RESP18: variants seen among roughly 807,000 people sequenced by gnomAD.
The protein encoded by RESP18 is regulated endocrine-specific protein 18.
In RESP18, 30 loss-of-function variants were observed where a neutral mutation model predicts 30.0. The ratio of observed to expected loss-of-function variants is 1.00; its 90% CI spans 0.75 to 1.36. The LOEUF is 1.36. RESP18 is among the 40% of genes most tolerant of loss of function. The pLI, the probability that RESP18 is intolerant of heterozygous loss-of-function variation, is 0.00. For synonymous variants in RESP18, 117 were observed against 111.2 expected (o/e 1.05, Z -0.33); for missense variants, 320 against 284.2 (o/e 1.13, Z -0.91).
intron 6 of RESP18, among the ~76,000 whole-genome samples, chr2:219,328,246 T>C (rs890140013): frequency 6.6e-6 from 1 of 152,214 alleles, no homozygotes; most frequent in African/African-American, 2.4e-5. Context: ...TTTGCTATGA[T>C]CTGTGAGCCC....
chr2:219,332,797 C>A (rs1952846748), intron 1 of RESP18, 53 bp from the exon 1 acceptor site: 2 of 1,351,856 alleles, frequency 1.5e-6, no homozygotes, highest in Middle Eastern at 1.9e-4. Context: ...CCTGCGGTCG[C>A]CTCCCCAGCT....
At chr2:219,330,021 A>C (rs1350425104) in intron 3 of RESP18, among the ~76,000 whole-genome samples, 1 of 152,214 alleles carries the variant, frequency 6.6e-6, no homozygotes, top group Non-Finnish European at 1.5e-5. Context: ...AGTGCTTAGA[A>C]AATGCTAAGG....
chr2:219,330,943 G>A, intron 2 of RESP18, 68 bp from the exon 2 acceptor site: 2 of 923,942 alleles, frequency 2.2e-6, no homozygotes, highest in Admixed American at 2.0e-5. Context: ...TTGAAGAGAA[G>A]CAGCTTCCTT....
In RESP18 at chr2:219,332,675, G is replaced by A; in HGVS notation, c.81C>T (p.Thr27=). ...CACTCCCCGGCCAAGTCTCAGTGAA[G>A]GTAGCGGCCACGGCCGAGGGGCTGA... is the stretch of plus-strand genomic sequence containing the variant. Residue 27 remains threonine, a synonymous_variant, in exon 2 of 7, where the codon ACC becomes ACT. Transcript: ENST00000333527. 1 of 1,551,188 alleles carries A rather than the reference G, an allele frequency of 6.4e-7. No homozygotes were observed. The highest frequency in any genetic ancestry group is 8.7e-7 in the Non-Finnish European group (1 of 1,146,926).
At chr2:219,329,581 C>G in intron 4 of RESP18, 56 bp downstream of exon 3, 1 of 1,547,584 alleles carries the variant, frequency 6.5e-7, no homozygotes. Flanking sequence ...CATTCCTTCC[C>G]TGTTCCGTCT....
At chr2:219,329,371 C>T in intron 4 of RESP18, 119 bp from the exon 4 acceptor site, 1 of 1,551,690 alleles carries the variant, frequency 6.4e-7, no homozygotes, top group Non-Finnish European at 8.7e-7. Context: ...ACGTGAGTCT[C>T]ACTGGGGAAT....
At position 219,329,195 on chromosome 2, in the gene RESP18, C is replaced by T. The variant is rs3731895; in HGVS notation, c.523G>A (p.Ala175Thr). 30,556 of 1,551,620 alleles carry T rather than the reference C, an allele frequency of 0.02. 788 individuals are homozygous for T. The highest frequency in any genetic ancestry group is 0.1 in the East Asian group (4,287 of 40,912). Residue 175 changes from alanine to threonine, a missense_variant, in exon 5 of 7, where the codon GCC (alanine) becomes ACC (threonine). Transcript: ENST00000333527. ...GGGTTGGCCACCTCTTGTTTCAGGG[C>T]CTTAGAAACCACTTCGGAGGTAAAG...
Position 219,329,019 on chromosome 2 carries a change from C to G in RESP18, c.556-11G>C, listed in dbSNP as rs1429799498. 3 of 1,545,234 alleles carry G rather than the reference C, an allele frequency of 1.9e-6. No homozygotes were observed. In the South Asian group the frequency reaches 3.6e-5, roughly 18 times the overall value. ...ACACCTATAGGTAATCTGAGAGATA[C>G]AGGAAATTAGAAGTACCTTTGATTA... On this transcript the variant is annotated splice_polypyrimidine_tract_variant and intron_variant, in intron 5 of 6. Transcript: ENST00000333527.
In RESP18 at chr2:219,329,711, G is replaced by A. The variant is rs778696493; in HGVS notation, c.391C>T (p.His131Tyr). The A allele has an allele frequency of 2.6e-6, 4 of 1,551,586 alleles. No individual in the cohort carries two copies. Among genetic ancestry groups the A allele is most frequent in the South Asian group, 2.4e-5 (2 of 84,062 alleles). Reference sequence around the variant, plus strand: ...TCTTGGGGATGCAGTCTGCTGGCATGCTCCATCTTTTGGATCATTGCATCC... The same window carrying A: ...TCTTGGGGATGCAGTCTGCTGGCATACTCCATCTTTTGGATCATTGCATCC... Residue 131 changes from histidine to tyrosine, a missense_variant, in exon 4 of 7, where the codon CAT (histidine) becomes TAT (tyrosine). By Grantham distance (83) the His-to-Tyr change is moderately conservative. Coordinates refer to ENST00000333527, the MANE Select transcript of RESP18 (RefSeq NM_001007089.4).
chr2:219,329,246 G>A lies in RESP18; in HGVS notation c.472C>T (p.Leu158=). Residue 158 remains leucine (L), a synonymous_variant, in exon 5 of 7, where the codon CTG becomes TTG. Transcript: ENST00000333527. ...CACTGATCCCTGTTCACCTTGGCCA[G>A]GGGGCTCTGTGAGGAGGGAAACCAG... The A allele has an allele frequency of 6.4e-7, 1 of 1,551,578 alleles. No homozygotes were observed. The highest frequency in any genetic ancestry group is 2.0e-5 in the Admixed American group (1 of 50,996).
intron 3 of RESP18, among the ~76,000 whole-genome samples, chr2:219,330,116 C>T (rs1260223871): frequency 6.6e-6 from 1 of 152,210 alleles, no homozygotes; most frequent in East Asian, 1.9e-4. Flanking sequence ...ACCCCTAGGG[C>T]TTCTGATGCA....
chr2:219,330,022 A>C (rs569633061), intron 3 of RESP18, among the ~76,000 whole-genome samples: 5 of 152,186 alleles, frequency 3.3e-5, no homozygotes, highest in Admixed American at 6.5e-5. Flanking sequence ...GTGCTTAGAA[A>C]ATGCTAAGGC....
chr2:219,331,938 G>A (rs1441869356), intron 2 of RESP18, among the ~76,000 whole-genome samples: 1 of 152,228 alleles, frequency 6.6e-6, no homozygotes, highest in African/African-American at 2.4e-5. Flanking sequence ...GGGAGAGGGG[G>A]CGACAGACTA....
chr2:219,332,499 C>T (rs771182481), intron 2 of RESP18, 25 bp downstream of exon 1: 49 of 1,534,308 alleles, frequency 3.2e-5, no homozygotes, highest in African/African-American at 4.1e-5. Context: ...TGGCCCTGCC[C>T]GCACCCCCCA....
Position 219,328,371 on chromosome 2 carries a change from C to A in RESP18, c.640+553G>T, listed in dbSNP as rs74828514. Reference sequence around the variant, plus strand: ...TCTCAGGACATTCGTAGTGGCAATGCTGTCTGCCTCAGATGCCCTTCCTTT... The same window carrying A: ...TCTCAGGACATTCGTAGTGGCAATGATGTCTGCCTCAGATGCCCTTCCTTT... On this transcript the variant is annotated intron_variant, in intron 6 of 6. Transcript: ENST00000333527. Among the ~76,000 whole-genome samples the A allele has an allele frequency of 6.8e-3, 1,032 of 152,226 alleles. 7 individuals are homozygous for A. Among genetic ancestry groups the A allele is most frequent in the Non-Finnish European group, 0.01 (706 of 68,020 alleles).
At position 219,332,748 on chromosome 2, in the gene RESP18, C is replaced by G; in HGVS notation, c.18-10G>C. 1.3e-6 allele frequency: 2 copies of G among 1,527,550 alleles called. No homozygotes were observed. Among genetic ancestry groups the G allele is most frequent in the East Asian group, 2.5e-5 (1 of 40,418 alleles). 94.6% of individuals were successfully genotyped at this position (1,527,550 alleles called of 1,614,324 possible). On this transcript the variant is annotated splice_polypyrimidine_tract_variant and intron_variant, in intron 1 of 6. Transcript: ENST00000333527. ...GCCCGCGACTCCGAATCTGTTTAAC[C>G]CTCCTCGGCAGTTCAGCCAATCGTG...
intron 4 of RESP18, 116 bp from the exon 4 acceptor site, chr2:219,329,368 T>C: frequency 6.4e-7 from 1 of 1,551,558 alleles, no homozygotes; most frequent in Non-Finnish European, 8.7e-7. Flanking sequence ...GATACGTGAG[T>C]CTCACTGGGG....
intron 2 of RESP18, among the ~76,000 whole-genome samples, chr2:219,332,146 C>A (rs540923423): frequency 2.0e-5 from 3 of 152,302 alleles, no homozygotes; most frequent in African/African-American, 7.2e-5. Flanking sequence ...AGCCCTGGCT[C>A]GTCTCCTGGC....
At chr2:219,331,859 C>G (rs1025894504) in intron 2 of RESP18, among the ~76,000 whole-genome samples, 1 of 152,228 alleles carries the variant, frequency 6.6e-6, no homozygotes, top group Non-Finnish European at 1.5e-5. Context: ...CTCATCCTCT[C>G]ATTGCCACCA....
Sources: gnomAD v4.1 joint callset for allele counts (sites outside exome capture counted in the v4.1 genomes callset) on GRCh38, gnomAD v4.1.1 for gene constraint, MANE v1.5 for transcripts, NCBI Gene and HGNC (gene_info 2026-07-23, HGNC 2026-07-21) for gene names.